The following ELAVL4 variants were observed in gnomAD, a reference collection of about 807,000 sequenced individuals.
ELAVL4 encodes the protein ELAV like RNA binding protein 4.
Under a neutral mutation model 35.6 loss-of-function variants are expected in ELAVL4, and 1 was observed. The ratio of observed to expected loss-of-function variants is 0.03; its 90% CI spans 0.01 to 0.13. ELAVL4 has a LOEUF of 0.13. ELAVL4 is among the 10% of genes least tolerant of loss of function. The pLI is 1.00. For missense variants in ELAVL4, 267 were observed against 464.9 expected, an observed-to-expected ratio of 0.57 and a Z score of 3.91; for synonymous variants, 156 against 171.0, an observed-to-expected ratio of 0.91 and a Z score of 0.69.
chr1:50,051,068 A>G (rs1490637031), intron 1 of ELAVL4, among the ~76,000 whole-genome samples: 1 of 152,206 alleles, frequency 6.6e-6, no homozygotes, highest in Non-Finnish European at 1.5e-5. Flanking sequence ...GCCAAAAATT[A>G]TTAATAAAAT....
At chr1:50,132,779 C>T (rs1403329198) in intron 1 of ELAVL4, among the ~76,000 whole-genome samples, 1 of 152,054 alleles carries the variant, frequency 6.6e-6, no homozygotes, top group African/African-American at 2.4e-5. Flanking sequence ...CATTTTCTTT[C>T]TTTTTTAAAA....
intron 2 of ELAVL4, among the ~76,000 whole-genome samples, chr1:50,152,849 A>T (rs189680084): frequency 1.8e-4 from 28 of 152,360 alleles, no homozygotes; most frequent in African/African-American, 6.7e-4. Context: ...GATAGAGATC[A>T]TATATTTGTA....
intron 1 of ELAVL4, among the ~76,000 whole-genome samples, chr1:50,134,086 C>A (rs1459781724): frequency 6.6e-6 from 1 of 152,094 alleles, no homozygotes; most frequent in Non-Finnish European, 1.5e-5. Flanking sequence ...AAATATATTT[C>A]TATGTAGATT....
At position 50,119,080 on chromosome 1, in the gene ELAVL4, GAAAGAAAGAAAGAA is replaced by G. The variant is rs752801657; in HGVS notation, c.9+9890_9+9903del. Among the ~76,000 whole-genome samples the G allele has an allele frequency of 4.0e-3, 538 of 134,716 alleles. 5 individuals are homozygous for G. The highest frequency in any genetic ancestry group is 8.3e-3 in the South Asian group (34 of 4,080). The allele number at this position is 134,716 out of a possible 152,430, so 88.4% of individuals were successfully genotyped here. On this transcript the variant is annotated intron_variant, in intron 1 of 6. Coordinates refer to ENST00000371824, the MANE Select transcript of ELAVL4 (RefSeq NM_001144774.3). ...AGAAAGAAAGAAAGAAAGAAAGAAAGAAAGAAAGAAAGAAAAAGAAAAAGATCCTTTGCTATGGA... is the reference window on the plus strand; with the variant it reads ...AGAAAGAAAGAAAGAAAGAAAGAAAGAAAGAAAAAGATCCTTTGCTATGGA...
intron 1 of ELAVL4, among the ~76,000 whole-genome samples, chr1:50,069,335 T>A (rs1664408799): frequency 1.3e-5 from 2 of 152,190 alleles, no homozygotes; most frequent in African/African-American, 4.8e-5. Flanking sequence ...ATTTGTATAC[T>A]GCTCCACACC....
At chr1:50,104,553 A>G (rs1349295294), upstream of ELAVL4, among the ~76,000 whole-genome samples, 2 of 152,228 alleles carry the variant, frequency 1.3e-5, no homozygotes, top group Admixed American at 1.3e-4. Context: ...ATGGCTAAAT[A>G]CGGCCTGGAT....
At chr1:50,163,538 G>A (rs190050736) in intron 2 of ELAVL4, among the ~76,000 whole-genome samples, 1 of 152,152 alleles carries the variant, frequency 6.6e-6, no homozygotes, top group Non-Finnish European at 1.5e-5. Flanking sequence ...GAAAACCCAT[G>A]CTCTCTCGCC....
chr1:50,071,791 G>A (rs911854823), intron 1 of ELAVL4, among the ~76,000 whole-genome samples: 16 of 152,202 alleles, frequency 1.1e-4, no homozygotes, highest in African/African-American at 3.6e-4. Flanking sequence ...CAGTTTCCTT[G>A]GGTGTAAAAT....
chr1:50,198,913 CTT>C (rs1365347311), intron 6 of ELAVL4, among the ~76,000 whole-genome samples: 1 of 152,210 alleles, frequency 6.6e-6, no homozygotes, highest in Non-Finnish European at 1.5e-5. Context: ...CTTGCAATCT[CTT>C]TGCTGGCCCT....
intron 3 of ELAVL4, chr1:50,180,843 A>C (rs968636768): frequency 2.6e-5 from 4 of 152,232 alleles, no homozygotes; most frequent in African/African-American, 4.8e-5. Flanking sequence ...ATATGTTAGC[A>C]TGAGCTTGAA....
chr1:50,088,682 T>G (rs1279236595), intron 1 of ELAVL4, among the ~76,000 whole-genome samples: 1 of 152,214 alleles, frequency 6.6e-6, no homozygotes, highest in East Asian at 1.9e-4. Context: ...CTTGGCAGAA[T>G]GGTAATGCTA....
intron 2 of ELAVL4, among the ~76,000 whole-genome samples, chr1:50,164,068 C>T (rs758846001): frequency 4.6e-5 from 7 of 152,114 alleles, no homozygotes; most frequent in Non-Finnish European, 1.0e-4. Flanking sequence ...AAAATACCTG[C>T]TTCAGAGGGT....
At chr1:50,092,368 G>A (rs549646660) in intron 1 of ELAVL4, among the ~76,000 whole-genome samples, 1 of 152,302 alleles carries the variant, frequency 6.6e-6, no homozygotes, top group East Asian at 1.9e-4. Flanking sequence ...TTGTGCAAAG[G>A]CATAAAATGT....
rs146299841 is a variant in ELAVL4, at chr1:50,065,941, C to T, written c.18+17759C>T. ...AGGGCTTGTTCATATGACAGCTGGG[C>T]AGGGTACCAAGAGAGAGCGAAAGTA... On this transcript the variant is annotated intron_variant, in intron 1 of 6. Transcript: ENST00000448907. Among the ~76,000 whole-genome samples the T allele has an allele frequency of 5.3e-3, 811 of 152,180 alleles. 6 individuals carry two copies. The highest frequency in any genetic ancestry group is 0.017 in the Middle Eastern group (5 of 294).
intron 1 of ELAVL4, among the ~76,000 whole-genome samples, chr1:50,081,886 G>C (rs1237307906): frequency 6.6e-6 from 1 of 151,856 alleles, no homozygotes; most frequent in East Asian, 1.9e-4. Flanking sequence ...GTGTCCATGT[G>C]TTCTCATTGT....
chr1:50,079,204 G>A (rs987819237), intron 1 of ELAVL4, among the ~76,000 whole-genome samples: 1 of 152,126 alleles, frequency 6.6e-6, no homozygotes, highest in Non-Finnish European at 1.5e-5. Flanking sequence ...CAGAGCTACA[G>A]GTGTGTGCCA....
intron 1 of ELAVL4, among the ~76,000 whole-genome samples, chr1:50,120,084 G>A (rs1668771655): frequency 6.7e-6 from 1 of 150,166 alleles, no homozygotes; most frequent in South Asian, 2.1e-4. Flanking sequence ...TATATAGCAT[G>A]TCTGTTGCAT....
chr1:50,167,809 A>G (rs1678212790), intron 2 of ELAVL4, among the ~76,000 whole-genome samples: 1 of 152,212 alleles, frequency 6.6e-6, no homozygotes, highest in Non-Finnish European at 1.5e-5. Context: ...GAGCACTCAC[A>G]TGGGATACAA....
chr1:50,084,510 C>T (rs1351686312), intron 1 of ELAVL4, among the ~76,000 whole-genome samples: 4 of 152,096 alleles, frequency 2.6e-5, no homozygotes, highest in Non-Finnish European at 4.4e-5. Flanking sequence ...TCCCATTTAC[C>T]CTTCACATAA....
Sources: allele counts gnomAD v4.1 joint callset (sites outside exome capture counted in the v4.1 genomes callset), GRCh38; gene constraint gnomAD v4.1.1; transcripts MANE v1.5; gene names NCBI Gene and HGNC (gene_info 2026-07-23, HGNC 2026-07-21).